The following COLGALT2 variants were observed in gnomAD, a reference collection of about 807,000 sequenced individuals.
COLGALT2 encodes the protein procollagen galactosyltransferase 2.
COLGALT2 carries 49 observed loss-of-function variants against 73.4 expected under a neutral mutation model. The observed-to-expected ratio is 0.67, with a 90% CI of 0.53 to 0.85. The LOEUF is 0.85. COLGALT2 is among the 40% of genes least tolerant of loss of function. COLGALT2 has a pLI of 0.00. For missense variants in COLGALT2, 722 were observed against 790.2 expected (o/e 0.91, Z 1.03); for synonymous variants, 295 against 307.6 (o/e 0.96, Z 0.43).
intron 1 of COLGALT2, among the ~76,000 whole-genome samples, chr1:184,002,835 T>G (rs1262289069): frequency 6.6e-6 from 1 of 152,214 alleles, no homozygotes; most frequent in East Asian, 1.9e-4. Context: ...GAATTTAAAA[T>G]TCACATTTTT....
At chr1:183,942,603 T>C (rs1241008451) in intron 10 of COLGALT2, among the ~76,000 whole-genome samples, 2 of 152,204 alleles carry the variant, frequency 1.3e-5, no homozygotes, top group African/African-American at 2.4e-5. Context: ...CCTGGAAAGA[T>C]GTAATGTGGC....
intron 6 of COLGALT2, among the ~76,000 whole-genome samples, chr1:183,956,174 T>C (rs947534899): frequency 8.5e-5 from 13 of 152,214 alleles, no homozygotes; most frequent in Admixed American, 2.0e-4. Context: ...TTGCCCATCC[T>C]GAGATACTGT....
Position 184,037,447 on chromosome 1 carries a change from G to T in COLGALT2, c.-90C>A, listed in dbSNP as rs946299262. The T allele has an allele frequency of 1.7e-5, 21 of 1,222,572 alleles. No homozygotes were observed. Among genetic ancestry groups the T allele is most frequent in the Non-Finnish European group, 1.9e-5 (19 of 983,794 alleles). 75.7% of individuals were successfully genotyped at this position (1,222,572 alleles called of 1,614,324 possible). ...CGGCGGCGGCTGCCGGGGAGCAAGG[G>T]GCTGCGAGGGGCGGCCGGGGGATGC... On this transcript the variant is annotated 5_prime_UTR_variant, in exon 1 of 12. Coordinates refer to ENST00000361927, the MANE Select transcript of COLGALT2 (RefSeq NM_015101.4).
intron 6 of COLGALT2, among the ~76,000 whole-genome samples, chr1:183,963,069 G>A (rs1023241064): frequency 6.6e-6 from 1 of 152,174 alleles, no homozygotes; most frequent in Non-Finnish European, 1.5e-5. Flanking sequence ...TAGGTTAGGT[G>A]GATTGGTTAC....
intron 1 of COLGALT2, among the ~76,000 whole-genome samples, chr1:184,000,915 T>C (rs890998217): frequency 2.0e-5 from 3 of 150,678 alleles, no homozygotes; most frequent in Non-Finnish European, 3.0e-5. Context: ...CTGCAAGCTC[T>C]GCCTCCCGGG....
Position 183,938,436 on chromosome 1 carries a change from C to A in COLGALT2, c.*325G>T. Reference sequence around the variant, plus strand: ...TGATCACTTTCTCTTGAACAAGACTCTGAGCCATGTTGTTCAACCTTAATG... The same window carrying A: ...TGATCACTTTCTCTTGAACAAGACTATGAGCCATGTTGTTCAACCTTAATG... On this transcript the variant is annotated 3_prime_UTR_variant, in exon 12 of 12. Coordinates refer to ENST00000361927, the MANE Select transcript of COLGALT2 (RefSeq NM_015101.4). 1 of 1,130,560 alleles carries A rather than the reference C, an allele frequency of 8.8e-7. No homozygotes were observed. Among genetic ancestry groups the A allele is most frequent in the Non-Finnish European group, 1.1e-6 (1 of 920,240 alleles). The allele number at this position is 1,130,560 out of a possible 1,614,324, so 70.0% of individuals were successfully genotyped here.
At chr1:183,944,124 T>C in intron 10 of COLGALT2, 72 bp downstream of exon 10, 1 of 1,481,376 alleles carries the variant, frequency 6.8e-7, no homozygotes, top group Non-Finnish European at 9.0e-7. Context: ...GCTGTGGAGG[T>C]GGGGCTCTCT....
At position 183,936,032 on chromosome 1, in the gene COLGALT2, G is replaced by A; in HGVS notation, c.*2729C>T. On this transcript the variant is annotated 3_prime_UTR_variant, in exon 12 of 12. Coordinates refer to ENST00000361927, the MANE Select transcript of COLGALT2 (RefSeq NM_015101.4). ...TGCAGCGTGTCCTCTGCAAAGTGCA[G>A]GTGTTCAGTCCACACACAGCAGCAC... 1 of 985,438 alleles carries A rather than the reference G, an allele frequency of 1.0e-6. No individual in the cohort carries two copies. The highest frequency in any genetic ancestry group is 4.7e-5 in the South Asian group (1 of 21,284). 61.0% of individuals were successfully genotyped at this position (985,438 alleles called of 1,614,324 possible). A position where few individuals can be genotyped will look rare whatever the true frequency, so the allele number is the denominator to read the frequency against.
intron 5 of COLGALT2, chr1:183,964,493 A>C (rs1670811117): frequency 6.3e-6 from 1 of 159,692 alleles, no homozygotes; most frequent in African/African-American, 2.4e-5. Flanking sequence ...AGAACAAAAA[A>C]ACGAAAAAAC....
At chr1:184,028,524 A>C (rs1255745564) in intron 1 of COLGALT2, among the ~76,000 whole-genome samples, 1 of 152,236 alleles carries the variant, frequency 6.6e-6, no homozygotes, top group African/African-American at 2.4e-5. Context: ...TGGGCTTGGC[A>C]GTCCAAATGG....
At chr1:183,998,146 T>C (rs188964967) in intron 1 of COLGALT2, among the ~76,000 whole-genome samples, 14 of 152,350 alleles carry the variant, frequency 9.2e-5, no homozygotes, top group African/African-American at 2.9e-4. Flanking sequence ...GTCTATTGCA[T>C]ATATATTCCC....
In COLGALT2 at chr1:183,938,193, T is replaced by G; in HGVS notation, c.*568A>C. ...CCCACCCCTACTGGATAACAGGGAC[T>G]AAGATTTTTTTTTTTTAAAAAATCT... On this transcript the variant is annotated 3_prime_UTR_variant, in exon 12 of 12. Coordinates refer to ENST00000361927, the MANE Select transcript of COLGALT2 (RefSeq NM_015101.4). 1.0e-6 allele frequency: 1 copy of G among 955,454 alleles called. No individual in the cohort carries two copies. Among genetic ancestry groups the G allele is most frequent in the African/African-American group, 2.0e-5 (1 of 50,826 alleles). 59.2% of individuals were successfully genotyped at this position (955,454 alleles called of 1,614,324 possible).
intron 1 of COLGALT2, among the ~76,000 whole-genome samples, chr1:184,005,326 C>A (rs1361558198): frequency 6.6e-6 from 1 of 152,230 alleles, no homozygotes; most frequent in Non-Finnish European, 1.5e-5. Context: ...GGCTCCCTGA[C>A]CCCGTCACTT....
intron 6 of COLGALT2, among the ~76,000 whole-genome samples, chr1:183,963,217 A>G (rs1168930949): frequency 1.3e-5 from 2 of 152,242 alleles, no homozygotes; most frequent in Non-Finnish European, 2.9e-5. Context: ...TGGAGATAGC[A>G]AGATGGGTTC....
chr1:183,985,018 A>G (rs1256319353), intron 1 of COLGALT2, among the ~76,000 whole-genome samples: 1 of 152,038 alleles, frequency 6.6e-6, no homozygotes, highest in East Asian at 1.9e-4. Context: ...AAAAATTGAG[A>G]TTTATCTGGC....
At chr1:183,971,863 TATC>T (rs1309192181) in intron 4 of COLGALT2, among the ~76,000 whole-genome samples, 3 of 152,240 alleles carry the variant, frequency 2.0e-5, no homozygotes, top group African/African-American at 7.2e-5. Context: ...TTAATAGCTG[TATC>T]ATCAAGTGGC....
chr1:183,950,985 T>C, intron 8 of COLGALT2, 22 bp downstream of exon 8: 1 of 1,548,818 alleles, frequency 6.5e-7, no homozygotes, highest in Non-Finnish European at 8.9e-7. Context: ...ACATCTGCAA[T>C]GGGAGAAGAA....
At chr1:183,986,482 A>G (rs1171394827) in intron 1 of COLGALT2, among the ~76,000 whole-genome samples, 2 of 152,192 alleles carry the variant, frequency 1.3e-5, no homozygotes, top group Non-Finnish European at 2.9e-5. Flanking sequence ...AAAAATAAAT[A>G]TTTGATTCTA....
At chr1:184,020,081 G>T (rs915429613) in intron 1 of COLGALT2, among the ~76,000 whole-genome samples, 3 of 152,106 alleles carry the variant, frequency 2.0e-5, no homozygotes, top group Admixed American at 6.5e-5. Flanking sequence ...TGTCTAAGTG[G>T]TATGTTTTGT....
Sources: allele counts gnomAD v4.1 joint callset (sites outside exome capture counted in the v4.1 genomes callset), GRCh38; gene constraint gnomAD v4.1.1; transcripts MANE v1.5; gene names NCBI Gene and HGNC (gene_info 2026-07-23, HGNC 2026-07-21).